Variants in NEB observed in about 807,000 individuals in gnomAD.
The protein encoded by NEB is nebulin, also known as nemaline myopathy type 2.
Under a neutral mutation model 952.2 loss-of-function variants are expected in NEB, and 512 were observed. The ratio of observed to expected loss-of-function variants is 0.54; its 90% CI spans 0.50 to 0.58. The LOEUF is 0.58. NEB is among the 20% of genes least tolerant of loss of function. The pLI, the probability that NEB is intolerant of heterozygous loss-of-function variation, is 0.00. For missense variants in NEB, 8,428 were observed against 9,231.1 expected (o/e 0.91, Z 3.56); for synonymous variants, 2,900 against 3,149.8 (o/e 0.92, Z 2.66).
intron 144 of NEB, among the ~76,000 whole-genome samples, 197 bp downstream of exon 144, chr2:151,531,595 G>A (rs912243243): frequency 6.6e-6 from 1 of 152,142 alleles, no homozygotes; most frequent in East Asian, 1.9e-4. Context: ...GGAATTACAG[G>A]CATAAGCCAC....
At chr2:151,714,580 A>C (rs1366213552) in intron 10 of NEB, among the ~76,000 whole-genome samples, 1 of 151,976 alleles carries the variant, frequency 6.6e-6, no homozygotes, top group Non-Finnish European at 1.5e-5. Flanking sequence ...TCTCCAATTA[A>C]TCTGCCTTTT....
chr2:151,698,634 A>T (rs1011419032), intron 13 of NEB, among the ~76,000 whole-genome samples: 3 of 146,104 alleles, frequency 2.1e-5, no homozygotes, highest in Non-Finnish European at 4.5e-5. Context: ...GTACTTCATT[A>T]ATTTTTTTTT....
intron 142 of NEB, 145 bp downstream of exon 142, chr2:151,535,546 T>C: frequency 1.8e-6 from 1 of 554,904 alleles, no homozygotes; most frequent in Non-Finnish European, 3.2e-6. Flanking sequence ...GGTGACATTA[T>C]AGAGTCTTTT....
chr2:151,679,856 A>G (rs751353236), intron 31 of NEB, 28 bp from the exon 32 acceptor site: 8 of 1,609,438 alleles, frequency 5.0e-6, no homozygotes, highest in Non-Finnish European at 6.0e-6. Flanking sequence ...TTTAAGTACA[A>G]CTTAGAGACT....
chr2:151,493,111 TTGTTA>T (rs1439355886), intron 176 of NEB: 4 of 431,468 alleles, frequency 9.3e-6, no homozygotes, highest in Non-Finnish European at 1.7e-5. Flanking sequence ...GGCAATTAAC[TTGTTA>T]TGTTTAGTAT....
chr2:151,572,586 C>T (rs2096675483), intron 107 of NEB, among the ~76,000 whole-genome samples: 1 of 145,070 alleles, frequency 6.9e-6, no homozygotes, highest in African/African-American at 2.5e-5. Flanking sequence ...CGCTCTGTCA[C>T]CCAAGCTGGA....
chr2:151,665,139 GT>G (rs2099197803), intron 42 of NEB, among the ~76,000 whole-genome samples, 193 bp downstream of exon 42: 1 of 152,114 alleles, frequency 6.6e-6, no homozygotes, highest in Non-Finnish European at 1.5e-5. Context: ...TTAACATGCT[GT>G]TGAGAGATGA....
intron 153 of NEB, 85 bp downstream of exon 153, chr2:151,524,226 A>G: frequency 8.4e-7 from 1 of 1,194,524 alleles, no homozygotes; most frequent in Non-Finnish European, 1.2e-6. Context: ...ATCCCTTTGC[A>G]TTTTCAATCT....
chr2:151,721,844 G>A (rs1175026414), intron 9 of NEB, among the ~76,000 whole-genome samples: 3 of 152,106 alleles, frequency 2.0e-5, no homozygotes, highest in African/African-American at 7.2e-5. Context: ...CAATAAAATT[G>A]GTATCATGTG....
In NEB at chr2:151,567,389, G is replaced by A. The variant is rs1479137814; in HGVS notation, c.17935C>T (p.His5979Tyr). 1 of 1,613,748 alleles carries A rather than the reference G, an allele frequency of 6.2e-7. No individual in the cohort carries two copies. ...RDDPKLVWFE[H>Y]AGQIQNERLY... ...CTCTCATTCTGAATCTGGCCTGCAT[G>A]CTCAAACCAAACCAGCTTAGGATCA... The change falls in exon 114 of 182, where the codon CAT becomes TAT. Residue 5979 changes from histidine (H) to tyrosine (Y), a missense_variant. His to Tyr is a moderately conservative substitution (Grantham distance 83, BLOSUM62 2). This residue lies in a region of NEB where 3,374 missense variants were observed against 3,651.5 expected (regional missense o/e 0.92). Coordinates refer to ENST00000397345, the MANE Select transcript of NEB (RefSeq NM_001164508.2).
Position 151,511,580 on chromosome 2 carries a change from G to A in NEB, c.23346+1153C>T, listed in dbSNP as rs539748914. The stretch of plus-strand genomic sequence containing the variant: ...CAGGTGCCTATAAAGCACAGCTAGG[G>A]CACGTTAACTATGGCTTTGGAACTC... On this transcript the variant is annotated intron_variant, in intron 161 of 181. Transcript: ENST00000397345. Among the ~76,000 whole-genome samples the A allele has an allele frequency of 2.0e-5, 3 of 152,268 alleles. No individual in the cohort carries two copies. The South Asian group carries it at 6.2e-4, about 32-fold the overall frequency.
In NEB at chr2:151,663,851, G is replaced by C; in HGVS notation, c.5460C>G (p.Tyr1820Ter). ...CTTTGGCTTGTTCATAGGCTTTCTT[G>C]TATTTGTACTGTGGACAGAGAAGAA... is the stretch of plus-strand genomic sequence containing the variant. ...ASRDIASDYKYKKAYEQAKGK... is the reference protein window; with the variant it reads ...ASRDIASDYK Residue 1820 changes from tyrosine to a stop codon, truncating the protein, a stop_gained, in exon 45 of 182, where the codon TAC becomes TAG. Transcript: ENST00000397345. LOFTEE classifies it high-confidence loss of function. 1 of 1,612,992 alleles carries C rather than the reference G, an allele frequency of 6.2e-7. No homozygotes were observed. The highest frequency in any genetic ancestry group is 8.5e-7 in the Non-Finnish European group (1 of 1,179,266).
intron 10 of NEB, 115 bp from the exon 11 acceptor site, chr2:151,710,653 GT>G: frequency 1.6e-6 from 1 of 613,274 alleles, no homozygotes; most frequent in South Asian, 2.7e-5. Context: ...CCATTCTTAG[GT>G]CCTTAATAAA....
chr2:151,657,655 G>A (rs2099100298), intron 48 of NEB, among the ~76,000 whole-genome samples: 1 of 152,174 alleles, frequency 6.6e-6, no homozygotes, highest in Non-Finnish European at 1.5e-5. Flanking sequence ...GAAGAAGCAG[G>A]AGGCAAGAAC....
In NEB at chr2:151,658,043, A is replaced by T. The variant is rs1270115912; in HGVS notation, c.6123T>A (p.Asp2041Glu). The change falls in exon 48 of 182, where the codon GAT becomes GAA. Residue 2041 changes from aspartate to glutamate, a missense_variant. This residue lies in a region of NEB where 2,851 missense variants were observed against 2,791.5 expected (regional missense o/e 1.02). Transcript: ENST00000397345. ...TGATAGGAATTGCATCAGGTCTGAG[A>T]TCATAGCCTTTCTTTTTAGACTCTT... ...SLEESKKKGY[D>E]LRPDAIPIKA... 6.2e-7 allele frequency: 1 copy of T among 1,611,140 alleles called. No homozygotes were observed. The highest frequency in any genetic ancestry group is 8.5e-7 in the Non-Finnish European group (1 of 1,178,290).
At chr2:151,628,668 CTG>C (rs1457522350) in intron 68 of NEB, among the ~76,000 whole-genome samples, 1 of 152,034 alleles carries the variant, frequency 6.6e-6, no homozygotes, top group Non-Finnish European at 1.5e-5. Context: ...TGGTGCAACG[CTG>C]TCTCTACTAA....
intron 162 of NEB, 112 bp from the exon 163 acceptor site, chr2:151,507,125 A>G (rs569860726): frequency 3.7e-5 from 25 of 674,790 alleles, no homozygotes; most frequent in East Asian, 1.4e-4. Flanking sequence ...AAAAAAGTCT[A>G]TGCACAATAA....
In NEB at chr2:151,485,719, G is replaced by T; in HGVS notation, c.*41C>A. On this transcript the variant is annotated 3_prime_UTR_variant, in exon 182 of 182. Transcript: ENST00000397345. ...GTCTAAACCGAAACATTGACTGCAG[G>T]ATCTGTAAGTCCTGCAGACAAGTGT... is the stretch of plus-strand genomic sequence containing the variant. The T allele has an allele frequency of 6.4e-7, 1 of 1,559,054 alleles. No individual in the cohort carries two copies. The highest frequency in any genetic ancestry group is 2.3e-5 in the East Asian group (1 of 44,130).
intron 145 of NEB, among the ~76,000 whole-genome samples, chr2:151,530,441 G>A (rs993243503): frequency 1.3e-5 from 2 of 152,152 alleles, no homozygotes; most frequent in African/African-American, 4.8e-5. Flanking sequence ...AGGTTTTAAT[G>A]TGACTAAGGC....
Sources: gnomAD v4.1 joint callset for allele counts (sites outside exome capture counted in the v4.1 genomes callset) on GRCh38, gnomAD v4.1.1 for gene constraint, gnomAD v4.1.1 regional missense constraint, MANE v1.5 for transcripts, NCBI Gene and HGNC (gene_info 2026-07-23, HGNC 2026-07-21) for gene names.